The following ALPK1 variants were observed in gnomAD, a reference collection of about 807,000 sequenced individuals.
ALPK1 encodes the protein alpha kinase 1.
A neutral mutation model predicts 120.6 loss-of-function variants in ALPK1; 110 were observed. The ratio of observed to expected loss-of-function variants is 0.91; its 90% CI spans 0.78 to 1.07. The LOEUF is 1.07. ALPK1 is among the 50% of genes least tolerant of loss of function. The pLI, the probability that ALPK1 is intolerant of heterozygous loss-of-function variation, is 0.00. For synonymous variants in ALPK1, 582 were observed against 560.3 expected (o/e 1.04, Z -0.55); for missense variants, 1,498 against 1,483.9 (o/e 1.01, Z -0.16).
rs967804130 is a variant in ALPK1 at position 112,424,210 on chromosome 4, C to A, written c.535+207C>A. Among the ~76,000 whole-genome samples the A allele has an allele frequency of 5.0e-3, 657 of 132,372 alleles. 5 individuals carry two copies. The highest frequency in any genetic ancestry group is 0.018 in the African/African-American group (619 of 35,144). The allele number at this position is 132,372 out of a possible 152,430, so 86.8% of individuals were successfully genotyped here. On this transcript the variant is annotated intron_variant, in intron 6 of 15. Coordinates refer to ENST00000650871, the MANE Select transcript of ALPK1 (RefSeq NM_025144.4). ...GTTTTCTCTAAGTTAAAAAAAAAAA[C>A]AACAAAGACAAGGAACCTACTATTG...
At chr4:112,405,933 C>T (rs1733153142) in intron 4 of ALPK1, among the ~76,000 whole-genome samples, 1 of 151,948 alleles carries the variant, frequency 6.6e-6, no homozygotes, top group African/African-American at 2.4e-5. Context: ...GCTGAGGCCA[C>T]AGGGGAAAAG....
intron 2 of ALPK1, among the ~76,000 whole-genome samples, chr4:112,345,485 T>C (rs186404882): frequency 6.6e-6 from 1 of 152,284 alleles, no homozygotes; most frequent in Admixed American, 6.5e-5. Flanking sequence ...GTAGCTTCAT[T>C]TTGCAGAGTA....
chr4:112,359,134 T>A (rs1578498034), intron 2 of ALPK1: 1 of 694,596 alleles, frequency 1.4e-6, no homozygotes, highest in East Asian at 2.8e-5. Context: ...GCCCAGCAGC[T>A]GGATCCCAGA....
chr4:112,417,306 A>G (rs1009607886), intron 5 of ALPK1, among the ~76,000 whole-genome samples: 1 of 152,206 alleles, frequency 6.6e-6, no homozygotes, highest in African/African-American at 2.4e-5. Context: ...AGAATGTGGT[A>G]AATACATTTA....
chr4:112,426,533 C>T lies in ALPK1; in HGVS notation c.689C>T (p.Pro230Leu), dbSNP rs761316245. ...GTAGGATATTTGGCACTTCCTCAGC[C>T]GGATAAAAAGGTGGTTTGTCTAGTG... ...SIVGYLALPQ[P>L]DKKGLSTSLG... Residue 230 changes from proline (P) to leucine (L), a missense_variant, in exon 8 of 16, where the codon CCG becomes CTG. By Grantham distance (98) the Pro-to-Leu change is moderately conservative (BLOSUM62 -3). Coordinates refer to ENST00000650871, the MANE Select transcript of ALPK1 (RefSeq NM_025144.4). 1.9e-5 allele frequency: 30 copies of T among 1,574,790 alleles called. No individual in the cohort carries two copies. Among genetic ancestry groups the T allele is most frequent in the Middle Eastern group, 1.7e-4 (1 of 5,884 alleles).
intron 3 of ALPK1, among the ~76,000 whole-genome samples, chr4:112,378,599 T>C (rs1388335012): frequency 6.6e-6 from 1 of 152,162 alleles, no homozygotes; most frequent in Non-Finnish European, 1.5e-5. Flanking sequence ...TTTTTTTAGA[T>C]TTCTTTTTAG....
At chr4:112,410,197 C>T (rs1452122429) in intron 4 of ALPK1, among the ~76,000 whole-genome samples, 2 of 152,140 alleles carry the variant, frequency 1.3e-5, no homozygotes, top group Non-Finnish European at 2.9e-5. Context: ...CCTGTTAACT[C>T]CCTACCTGGG....
intron 4 of ALPK1, among the ~76,000 whole-genome samples, chr4:112,408,688 G>T (rs1413904370): frequency 6.6e-6 from 1 of 152,060 alleles, no homozygotes; most frequent in African/African-American, 2.4e-5. Flanking sequence ...TGGCCAGGCT[G>T]GTCTTGAACT....
intron 1 of ALPK1, among the ~76,000 whole-genome samples, chr4:112,307,744 T>G (rs1024676020): frequency 6.6e-6 from 1 of 152,144 alleles, no homozygotes; most frequent in African/African-American, 2.4e-5. Context: ...TTAGCCCATT[T>G]ACATTTAAGG....
At chr4:112,334,591 G>GT (rs1303584708) in intron 2 of ALPK1, among the ~76,000 whole-genome samples, 1 of 152,082 alleles carries the variant, frequency 6.6e-6, no homozygotes, top group African/African-American at 2.4e-5. Flanking sequence ...TTTTAAGGTG[G>GT]TTTTAAAGTT....
At chr4:112,388,088 T>G (rs1269554047) in intron 4 of ALPK1, among the ~76,000 whole-genome samples, 3 of 152,236 alleles carry the variant, frequency 2.0e-5, no homozygotes, top group African/African-American at 7.2e-5. Flanking sequence ...TCCATCTGTG[T>G]TCCTGCAAAA....
intron 2 of ALPK1, among the ~76,000 whole-genome samples, chr4:112,376,055 T>G (rs2148725530): frequency 6.6e-6 from 1 of 152,306 alleles, no homozygotes; most frequent in South Asian, 2.1e-4. Context: ...TTAACTTTGC[T>G]GGCTCCCAGA....
chr4:112,361,371 A>G (rs1002932506), intron 2 of ALPK1, among the ~76,000 whole-genome samples: 1 of 152,188 alleles, frequency 6.6e-6, no homozygotes, highest in Admixed American at 6.5e-5. Flanking sequence ...GGGGAGGGGC[A>G]CAGTGGAAGT....
chr4:112,397,021 C>T (rs1228368025), intron 4 of ALPK1, among the ~76,000 whole-genome samples: 1 of 152,160 alleles, frequency 6.6e-6, no homozygotes, highest in Non-Finnish European at 1.5e-5. Context: ...AGACAATCCT[C>T]CTTCCTTGGC....
chr4:112,396,457 G>C (rs775648218), intron 4 of ALPK1, among the ~76,000 whole-genome samples: 7 of 152,168 alleles, frequency 4.6e-5, no homozygotes, highest in Non-Finnish European at 8.8e-5. Context: ...GAGAGTTCTG[G>C]TCATCAGCTC....
chr4:112,388,397 G>A (rs1028834748), intron 4 of ALPK1, among the ~76,000 whole-genome samples: 3 of 152,124 alleles, frequency 2.0e-5, no homozygotes, highest in Non-Finnish European at 4.4e-5. Context: ...GAAATATCAA[G>A]TTAAAGAAAG....
chr4:112,418,770 G>A (rs1480146797), intron 5 of ALPK1, among the ~76,000 whole-genome samples: 1 of 152,082 alleles, frequency 6.6e-6, no homozygotes, highest in East Asian at 1.9e-4. Context: ...TGCATAGGAG[G>A]GAACTTTCTT....
intron 1 of ALPK1, among the ~76,000 whole-genome samples, chr4:112,311,326 C>A (rs549827467): frequency 3.9e-5 from 6 of 152,128 alleles, no homozygotes; most frequent in Admixed American, 1.3e-4. Context: ...ATTTGTTAAG[C>A]TTGTTCTGTG....
chr4:112,310,432 C>T (rs1379184237), intron 1 of ALPK1, among the ~76,000 whole-genome samples: 4 of 152,002 alleles, frequency 2.6e-5, no homozygotes, highest in Non-Finnish European at 1.5e-5. Flanking sequence ...TAAAGAGTCC[C>T]AAAATGAATA....
Sources: allele counts gnomAD v4.1 joint callset (sites outside exome capture counted in the v4.1 genomes callset), GRCh38; gene constraint gnomAD v4.1.1; transcripts MANE v1.5; gene names NCBI Gene and HGNC (gene_info 2026-07-23, HGNC 2026-07-21).